GRID2: variants seen among roughly 807,000 people sequenced by gnomAD.
GRID2 encodes glutamate ionotropic receptor delta type subunit 2, also known as glutamate receptor ionotropic, delta-2.
In GRID2, 33 loss-of-function variants were observed where a neutral mutation model predicts 114.8. The ratio of observed to expected loss-of-function variants is 0.29; its 90% CI spans 0.22 to 0.38. The LOEUF is 0.38. Among genes scored for constraint, GRID2 ranks in the 10% least tolerant of loss-of-function variants. GRID2 has a pLI of 1.00. For synonymous variants in GRID2, 505 were observed against 449.9 expected (o/e 1.12, Z -1.55); for missense variants, 1,184 against 1,257.7 (o/e 0.94, Z 0.89).
At chr4:93,708,162 C>A (rs571815481) in intron 14 of GRID2, among the ~76,000 whole-genome samples, 2 of 151,998 alleles carry the variant, frequency 1.3e-5, no homozygotes, top group East Asian at 3.9e-4. Flanking sequence ...TATTCTTTAG[C>A]CATTGGATGA....
chr4:93,038,752 C>T (rs1028088504), intron 2 of GRID2, among the ~76,000 whole-genome samples: 2 of 151,740 alleles, frequency 1.3e-5, no homozygotes, highest in African/African-American at 2.4e-5. Flanking sequence ...GATTGTGCCA[C>T]TGCACTCCAG....
intron 4 of GRID2, among the ~76,000 whole-genome samples, chr4:93,206,412 A>C (rs2149468515): frequency 6.6e-6 from 1 of 152,240 alleles, no homozygotes; most frequent in East Asian, 1.9e-4. Context: ...GTTATTTGAA[A>C]GCATCTTCAT....
chr4:92,618,198 G>A (rs1373144481), intron 2 of GRID2, among the ~76,000 whole-genome samples: 1 of 151,550 alleles, frequency 6.6e-6, no homozygotes, highest in African/African-American at 2.4e-5. Context: ...TGTGAAAGGT[G>A]GAGGATCTAG....
chr4:92,437,727 A>G (rs965970646), intron 1 of GRID2, among the ~76,000 whole-genome samples: 58 of 152,364 alleles, frequency 3.8e-4, no homozygotes, highest in South Asian at 1.0e-3. Flanking sequence ...ATGAAAACAC[A>G]TTTAATACTT....
intron 8 of GRID2, among the ~76,000 whole-genome samples, chr4:93,347,855 T>C (rs1225880313): frequency 3.3e-5 from 5 of 152,106 alleles, no homozygotes; most frequent in Admixed American, 1.3e-4. Context: ...ATACTGCATC[T>C]CTGTTGAAAA....
chr4:92,910,927 A>G (rs893949991), intron 2 of GRID2, among the ~76,000 whole-genome samples: 1 of 152,096 alleles, frequency 6.6e-6, no homozygotes, highest in Non-Finnish European at 1.5e-5. Context: ...CCATCTATGA[A>G]TTCATGGATA....
intron 5 of GRID2, among the ~76,000 whole-genome samples, chr4:93,209,554 A>G (rs1255507696): frequency 2.0e-5 from 3 of 152,172 alleles, no homozygotes; most frequent in Admixed American, 1.3e-4. Flanking sequence ...GATGCAATGG[A>G]CATAGGCATG....
intron 4 of GRID2, among the ~76,000 whole-genome samples, chr4:93,181,668 A>G (rs1182122752): frequency 6.6e-6 from 1 of 152,144 alleles, no homozygotes; most frequent in African/African-American, 2.4e-5. Flanking sequence ...TTGCACTTTT[A>G]TGTTACAGAG....
chr4:93,244,073 C>T lies in GRID2; in HGVS notation c.1245+5583C>T, dbSNP rs546654256. 3.9e-5 allele frequency among the ~76,000 whole-genome samples: 6 copies of T among 152,016 alleles called. No homozygotes were observed. In the East Asian group the frequency reaches 1.2e-3, roughly 29 times the overall value. On this transcript the variant is annotated intron_variant, in intron 8 of 15. Coordinates refer to ENST00000282020, the MANE Select transcript of GRID2 (RefSeq NM_001510.4). ...GTTTAAGGAATCAATATATGTTTTT[C>T]ATTAGAAGAGTTTTACATAATGTTG...
chr4:92,619,962 G>T (rs544706479), intron 2 of GRID2, among the ~76,000 whole-genome samples: 1 of 151,738 alleles, frequency 6.6e-6, no homozygotes, highest in African/African-American at 2.4e-5. Context: ...TATGGAATAA[G>T]TGTCATTGTA....
At chr4:93,625,087 C>T (rs2149688133) in intron 13 of GRID2, among the ~76,000 whole-genome samples, 1 of 152,296 alleles carries the variant, frequency 6.6e-6, no homozygotes, top group East Asian at 1.9e-4. Context: ...ATCAGCAGGG[C>T]AGCATTGTCA....
At chr4:93,275,965 T>C (rs972925899) in intron 8 of GRID2, among the ~76,000 whole-genome samples, 1 of 151,994 alleles carries the variant, frequency 6.6e-6, no homozygotes. Flanking sequence ...GAGTTTTATA[T>C]TTTTTGAATC....
At chr4:93,312,212 G>C (rs540901631) in intron 8 of GRID2, among the ~76,000 whole-genome samples, 8 of 152,194 alleles carry the variant, frequency 5.3e-5, no homozygotes, top group African/African-American at 1.9e-4. Flanking sequence ...ACTCATAGAA[G>C]GCCAATATGT....
At chr4:93,478,095 T>C (rs1210895891) in intron 11 of GRID2, among the ~76,000 whole-genome samples, 1 of 152,102 alleles carries the variant, frequency 6.6e-6, no homozygotes, top group Non-Finnish European at 1.5e-5. Flanking sequence ...TGATGTTCAA[T>C]GGGCTCTTTT....
intron 2 of GRID2, among the ~76,000 whole-genome samples, chr4:92,693,395 T>A (rs2149294890): frequency 6.6e-6 from 1 of 152,316 alleles, no homozygotes; most frequent in East Asian, 1.9e-4. Context: ...TATATATACA[T>A]TTCATTTGTG....
At chr4:92,728,655 T>C (rs1393547958) in intron 2 of GRID2, among the ~76,000 whole-genome samples, 1 of 151,716 alleles carries the variant, frequency 6.6e-6, no homozygotes, top group East Asian at 2.0e-4. Flanking sequence ...AAGAAGTGAA[T>C]CAATAAGTCC....
At chr4:93,506,699 C>CG (rs1157825997) in intron 12 of GRID2, among the ~76,000 whole-genome samples, 1 of 152,156 alleles carries the variant, frequency 6.6e-6, no homozygotes, top group Non-Finnish European at 1.5e-5. Flanking sequence ...CTCTAACCCT[C>CG]TTTGTTCCTC....
chr4:92,791,958 T>C (rs894023241), intron 2 of GRID2, among the ~76,000 whole-genome samples: 1 of 151,876 alleles, frequency 6.6e-6, no homozygotes, highest in African/African-American at 2.4e-5. Flanking sequence ...AAGAAATATG[T>C]AATATATGGA....
At chr4:93,479,877 C>G (rs1391837286) in intron 11 of GRID2, among the ~76,000 whole-genome samples, 1 of 151,988 alleles carries the variant, frequency 6.6e-6, no homozygotes, top group Non-Finnish European at 1.5e-5. Context: ...TTCCTGAATC[C>G]AGTTGACACC....
Sources: allele counts gnomAD v4.1 joint callset (sites outside exome capture counted in the v4.1 genomes callset), GRCh38; gene constraint gnomAD v4.1.1; transcripts MANE v1.5; gene names NCBI Gene and HGNC (gene_info 2026-07-23, HGNC 2026-07-21).